Variants in CLTCL1 observed in about 807,000 individuals in gnomAD.
CLTCL1 encodes clathrin heavy chain 2.
CLTCL1 carries 159 observed loss-of-function variants against 190.0 expected under a neutral mutation model. That is an observed-to-expected ratio of 0.84 (90% CI 0.74 to 0.95). The LOEUF (loss-of-function observed/expected upper bound fraction) is 0.95. Among genes scored for constraint, CLTCL1 ranks in the 40% least tolerant of loss-of-function variants. CLTCL1 has a pLI of 0.00. For synonymous variants in CLTCL1, 752 were observed against 769.6 expected, an observed-to-expected ratio of 0.98 and a Z score of 0.38; for missense variants, 1,878 against 2,033.4, an observed-to-expected ratio of 0.92 and a Z score of 1.47.
At chr22:19,243,037 G>T in intron 3 of CLTCL1, 101 bp from the exon 4 acceptor site, 2 of 1,115,014 alleles carry the variant, frequency 1.8e-6, no homozygotes, top group Non-Finnish European at 2.5e-6. Flanking sequence ...ATACATTAGA[G>T]GTATACTTCC....
At chr22:19,271,671 G>A (rs782761222) in intron 2 of CLTCL1, among the ~76,000 whole-genome samples, 6 of 152,018 alleles carry the variant, frequency 3.9e-5, no homozygotes, top group Non-Finnish European at 7.4e-5. Context: ...CTGTGAGAAC[G>A]GACCAACACA....
At chr22:19,269,258 A>C (rs7410403) in intron 2 of CLTCL1, among the ~76,000 whole-genome samples, 1 of 151,946 alleles carries the variant, frequency 6.6e-6, no homozygotes, top group Admixed American at 6.6e-5. Flanking sequence ...AAATTAGCCA[A>C]GCGCAATGGC....
At chr22:19,205,305 T>C (rs371896931) in intron 22 of CLTCL1, among the ~76,000 whole-genome samples, 5 of 151,756 alleles carry the variant, frequency 3.3e-5, no homozygotes, top group African/African-American at 1.2e-4. Flanking sequence ...AGCACAGGAG[T>C]TCGAGACCAG....
chr22:19,223,736 G>C (rs2085648410), intron 14 of CLTCL1, among the ~76,000 whole-genome samples, 155 bp downstream of exon 14: 1 of 152,190 alleles, frequency 6.6e-6, no homozygotes, highest in Non-Finnish European at 1.5e-5. Flanking sequence ...GGTTACTTTA[G>C]AACTTTAAGC....
In CLTCL1 at chr22:19,219,970, C is replaced by T. The variant is rs36077768; in HGVS notation, c.2834G>A (p.Arg945His). 2.4e-3 allele frequency: 3,828 copies of T among 1,614,014 alleles called. 62 individuals are homozygous for T. In the African/African-American group the frequency reaches 0.041, roughly 17 times the overall value. ...CGGATCCTTTCTGCATACCAGGTAG[C>T]GGGCCTCGCTTTTGAACAGAGAATT... ...NENSLFKSEA[R>H]YLVCRKDPEL... is the part of the protein sequence containing the mutation. Residue 945 changes from arginine to histidine, a missense_variant, in exon 18 of 33, where the codon CGC becomes CAC. By Grantham distance (29) the Arg-to-His change is conservative (BLOSUM62 0). Transcript: ENST00000427926.
intron 16 of CLTCL1, 97 bp downstream of exon 16, chr22:19,221,854 C>T (rs544565410): frequency 1.0e-5 from 14 of 1,380,298 alleles, no homozygotes; most frequent in South Asian, 1.3e-5. Flanking sequence ...TGTACATGAA[C>T]GACCAGCTAT....
intron 26 of CLTCL1, among the ~76,000 whole-genome samples, chr22:19,192,692 T>C (rs2084554251): frequency 6.6e-6 from 1 of 152,210 alleles, no homozygotes; most frequent in African/African-American, 2.4e-5. Flanking sequence ...GTGTCTTCTT[T>C]CTCCTTCTCT....
At chr22:19,194,406 T>C (rs1555934254) in intron 26 of CLTCL1, among the ~76,000 whole-genome samples, 1 of 152,084 alleles carries the variant, frequency 6.6e-6, no homozygotes, top group African/African-American at 2.4e-5. Context: ...CGCTCGAGGC[T>C]GGGAGGCGGA....
intron 30 of CLTCL1, chr22:19,181,036 G>T (rs2084119709): frequency 1.8e-6 from 1 of 564,306 alleles, no homozygotes; most frequent in African/African-American, 1.9e-5. Context: ...ACGCCAGGTG[G>T]GGCCCCCAGA....
At chr22:19,224,844 A>G (rs1011787759) in intron 13 of CLTCL1, among the ~76,000 whole-genome samples, 5 of 152,204 alleles carry the variant, frequency 3.3e-5, no homozygotes, top group Admixed American at 6.5e-5. Context: ...CACTGGACAC[A>G]TGGCAGTGGC....
intron 17 of CLTCL1, among the ~76,000 whole-genome samples, chr22:19,220,665 G>T (rs2085538414): frequency 1.3e-5 from 2 of 152,190 alleles, no homozygotes; most frequent in African/African-American, 4.8e-5. Context: ...AAGGCTGAGC[G>T]GCGTGCACAC....
intron 3 of CLTCL1, among the ~76,000 whole-genome samples, chr22:19,252,833 A>T (rs181761339): frequency 0.022 from 3,404 of 152,098 alleles, 61 homozygotes; most frequent in African/African-American, 0.053. Flanking sequence ...GCTAACACGG[A>T]GAAACCCCAT....
chr22:19,235,994 C>CTG lies in CLTCL1; in HGVS notation c.796-127_796-126dup, dbSNP rs1215776324. The CTG allele has an allele frequency of 4.7e-6, 4 of 855,642 alleles. No individual in the cohort carries two copies. The African/African-American group carries it at 6.9e-5, about 15-fold the overall frequency. The allele number at this position is 855,642 out of a possible 1,614,324, so 53.0% of individuals were successfully genotyped here. On this transcript the variant is annotated intron_variant, in intron 5 of 32. Coordinates refer to ENST00000427926, the MANE Select transcript of CLTCL1 (RefSeq NM_007098.4). ...TTGTTTTTTGAGATAGGGTCGTGCT[C>CTG]TGTCACCCAGGCTGGAGTGTAGTGG...
intron 2 of CLTCL1, among the ~76,000 whole-genome samples, chr22:19,273,775 C>T (rs556046019): frequency 9.2e-5 from 14 of 152,200 alleles, no homozygotes; most frequent in African/African-American, 2.7e-4. Flanking sequence ...ACAGCAAACC[C>T]CTGCTTCCTT....
At chr22:19,184,348 C>G in intron 29 of CLTCL1, 1 of 406,972 alleles carries the variant, frequency 2.5e-6, no homozygotes. Flanking sequence ...CAGGGATACC[C>G]TGTGGCGGTC....
intron 19 of CLTCL1, among the ~76,000 whole-genome samples, chr22:19,210,913 A>T (rs1208265563): frequency 6.6e-6 from 1 of 152,110 alleles, no homozygotes; most frequent in Non-Finnish European, 1.5e-5. Context: ...CTTTTTAAAA[A>T]TTTTGAGACG....
chr22:19,210,593 C>A (rs1176816663), intron 19 of CLTCL1, 84 bp from the exon 20 acceptor site: 7 of 1,213,880 alleles, frequency 5.8e-6, no homozygotes, highest in Non-Finnish European at 8.0e-6. Context: ...ATCCCCAGAC[C>A]CCCAGTTTTT....
At chr22:19,235,168 C>CT (rs546447360) in intron 6 of CLTCL1, among the ~76,000 whole-genome samples, 514 of 143,278 alleles carry the variant, frequency 3.6e-3, no homozygotes, top group Middle Eastern at 0.015. Context: ...CTGTTCCCGA[C>CT]TTTTTTTTTT....
At chr22:19,239,618 G>A (rs1195784276) in intron 4 of CLTCL1, among the ~76,000 whole-genome samples, 1 of 152,260 alleles carries the variant, frequency 6.6e-6, no homozygotes, top group Non-Finnish European at 1.5e-5. Flanking sequence ...GCAGCCTGGA[G>A]CCTCAGTTCC....
Sources: gnomAD v4.1 joint callset for allele counts (sites outside exome capture counted in the v4.1 genomes callset) on GRCh38, gnomAD v4.1.1 for gene constraint, MANE v1.5 for transcripts, NCBI Gene and HGNC (gene_info 2026-07-23, HGNC 2026-07-21) for gene names.